Variants in FHIT observed in about 807,000 individuals in gnomAD.
FHIT encodes fragile histidine triad diadenosine triphosphatase.
In FHIT, 19 loss-of-function variants were observed where a neutral mutation model predicts 17.9. The observed-to-expected ratio is 1.06, with a 90% CI of 0.74 to 1.56. FHIT has a LOEUF of 1.56. FHIT is among the 40% of genes most tolerant of loss of function. The pLI is 0.00. For missense variants in FHIT, 248 were observed against 189.2 expected (o/e 1.31, Z -1.82); for synonymous variants, 81 against 69.7 (o/e 1.16, Z -0.81).
At chr3:61,043,310 G>C (rs59336355) in intron 2 of FHIT, among the ~76,000 whole-genome samples, 2 of 152,038 alleles carry the variant, frequency 1.3e-5, no homozygotes, top group Non-Finnish European at 2.9e-5. Context: ...ATTATATCCC[G>C]CGCCTAGCTC....
At chr3:60,089,763 C>T (rs1000522905) in intron 5 of FHIT, among the ~76,000 whole-genome samples, 1 of 152,120 alleles carries the variant, frequency 6.6e-6, no homozygotes, top group Non-Finnish European at 1.5e-5. Context: ...TAGTCTTCTG[C>T]TTCCAAAATG....
Position 60,507,201 on chromosome 3 carries a change from G to C in FHIT, c.103+29659C>G, listed in dbSNP as rs143929550. 5.7e-4 allele frequency among the ~76,000 whole-genome samples: 87 copies of C among 152,264 alleles called. 3 individuals are homozygous for C. The East Asian group carries it at 9.5e-3, about 17-fold the overall frequency. On this transcript the variant is annotated intron_variant, in intron 5 of 9. Coordinates refer to ENST00000492590, the MANE Select transcript of FHIT (RefSeq NM_002012.4). ...AGGGATACGTGAGTTGGCATTGGTAGAATGAACAGGAGTTAGCAAGGTAAA... is the reference window on the plus strand; with the variant it reads ...AGGGATACGTGAGTTGGCATTGGTACAATGAACAGGAGTTAGCAAGGTAAA...
At chr3:60,714,972 G>A (rs1275506694) in intron 4 of FHIT, among the ~76,000 whole-genome samples, 29 of 152,120 alleles carry the variant, frequency 1.9e-4, no homozygotes, top group East Asian at 7.7e-4. Context: ...AGCCCGCATC[G>A]CCAAGTCAAT....
chr3:60,857,103 A>C (rs1703419336), intron 3 of FHIT, among the ~76,000 whole-genome samples: 1 of 152,182 alleles, frequency 6.6e-6, no homozygotes, highest in East Asian at 1.9e-4. Context: ...TCTCTTTCTG[A>C]TGTGTAACAA....
intron 5 of FHIT, among the ~76,000 whole-genome samples, chr3:60,202,796 G>C (rs544088610): frequency 6.6e-6 from 1 of 152,062 alleles, no homozygotes; most frequent in South Asian, 2.1e-4. Flanking sequence ...CTCTGTCTTC[G>C]TGCAGGTCTA....
At chr3:60,982,382 A>C (rs1710533503) in intron 3 of FHIT, among the ~76,000 whole-genome samples, 1 of 152,268 alleles carries the variant, frequency 6.6e-6, no homozygotes, top group Non-Finnish European at 1.5e-5. Context: ...CCTGCACTTC[A>C]GTTCCTACAC....
intron 5 of FHIT, among the ~76,000 whole-genome samples, chr3:60,159,470 T>A (rs888773914): frequency 2.6e-5 from 4 of 152,062 alleles, no homozygotes; most frequent in African/African-American, 7.2e-5. Context: ...CCCATACATA[T>A]CCTCACAAGC....
At chr3:59,753,525 C>T (rs543390786) in intron 8 of FHIT, among the ~76,000 whole-genome samples, 5 of 152,170 alleles carry the variant, frequency 3.3e-5, no homozygotes, top group African/African-American at 1.2e-4. Flanking sequence ...TTTATTGTTC[C>T]TGTGTGTGGC....
intron 4 of FHIT, among the ~76,000 whole-genome samples, chr3:60,775,978 A>T (rs538900218): frequency 1.6e-4 from 24 of 152,182 alleles, no homozygotes; most frequent in African/African-American, 5.8e-4. Context: ...GGCACTTTTA[A>T]ACTGTTTCTT....
chr3:60,640,348 TA>T (rs1386803353), intron 4 of FHIT, among the ~76,000 whole-genome samples: 3 of 152,102 alleles, frequency 2.0e-5, no homozygotes, highest in African/African-American at 7.2e-5. Context: ...ATCAAAAAGA[TA>T]AGTTGCTGTA....
At chr3:60,816,809 CTCT>C (rs1701756467) in intron 4 of FHIT, among the ~76,000 whole-genome samples, 1 of 151,978 alleles carries the variant, frequency 6.6e-6, no homozygotes, top group Admixed American at 6.6e-5. Flanking sequence ...ATTGTACCAG[CTCT>C]TCTTTGTACA....
chr3:60,159,366 C>T (rs116027159), intron 5 of FHIT, among the ~76,000 whole-genome samples: 1,777 of 152,194 alleles, frequency 0.012, 46 homozygotes, highest in African/African-American at 0.041. Context: ...AAGGATCCAC[C>T]CACCTTGGTC....
intron 5 of FHIT, among the ~76,000 whole-genome samples, chr3:60,237,262 A>ATTTTTTT (rs201958097): frequency 6.4e-5 from 8 of 124,828 alleles, no homozygotes; most frequent in Admixed American, 1.6e-4. Flanking sequence ...TTGTTTTTCC[A>ATTTTTTT]TTTTTTTTTT....
chr3:60,721,824 T>A (rs1553708141), intron 4 of FHIT, among the ~76,000 whole-genome samples: 1 of 152,128 alleles, frequency 6.6e-6, no homozygotes, highest in Non-Finnish European at 1.5e-5. Flanking sequence ...TTATTATTAT[T>A]TCAAGCACCC....
At position 61,078,302 on chromosome 3, in the gene FHIT, C is replaced by T. The variant is rs145457976; in HGVS notation, c.-163-36203G>A. On this transcript the variant is annotated intron_variant, in intron 2 of 9. Transcript: ENST00000492590. ...TTCTAATTAATTTTTATTCACCCAT[C>T]GCTCTAACAAGAGAGGCAGGAAGTC... 1.3e-3 allele frequency among the ~76,000 whole-genome samples: 194 copies of T among 152,216 alleles called. 1 individual carries two copies. Among genetic ancestry groups the T allele is most frequent in the Non-Finnish European group, 3.4e-4 (23 of 68,014 alleles).
intron 3 of FHIT, among the ~76,000 whole-genome samples, chr3:60,836,286 C>T (rs1702538322): frequency 6.6e-6 from 1 of 152,130 alleles, no homozygotes; most frequent in African/African-American, 2.4e-5. Context: ...GTAATACCAG[C>T]TTCCTAAAAT....
intron 3 of FHIT, among the ~76,000 whole-genome samples, chr3:60,933,436 G>A (rs544526478): frequency 2.6e-5 from 4 of 152,310 alleles, no homozygotes; most frequent in African/African-American, 9.6e-5. Flanking sequence ...TTTTGCATAT[G>A]AAGTCTTAGA....
At chr3:59,794,047 C>A (rs752094817) in intron 8 of FHIT, among the ~76,000 whole-genome samples, 1 of 152,166 alleles carries the variant, frequency 6.6e-6, no homozygotes. Flanking sequence ...TTCTCACAAG[C>A]TTAGCCAGAC....
At chr3:59,750,299 C>G (rs980540325) in intron 9 of FHIT, 32 of 225,434 alleles carry the variant, frequency 1.4e-4, no homozygotes, top group Admixed American at 1.1e-3. Flanking sequence ...AGCTTTCTAG[C>G]CTCTACCTGA....
Sources: gnomAD v4.1 joint callset for allele counts (sites outside exome capture counted in the v4.1 genomes callset) on GRCh38, gnomAD v4.1.1 for gene constraint, MANE v1.5 for transcripts, NCBI Gene and HGNC (gene_info 2026-07-23, HGNC 2026-07-21) for gene names.